Variants in ITFG1 observed in about 807,000 individuals in gnomAD.
ITFG1 encodes T-cell immunomodulatory protein.
Under a neutral mutation model 81.8 loss-of-function variants are expected in ITFG1, and 34 were observed. The ratio of observed to expected loss-of-function variants is 0.42; its 90% CI spans 0.32 to 0.55. ITFG1 has a LOEUF of 0.55. Among genes scored for constraint, ITFG1 ranks in the 20% least tolerant of loss-of-function variants. ITFG1 has a pLI of 0.17. For missense variants in ITFG1, 672 were observed against 755.4 expected, an observed-to-expected ratio of 0.89 and a Z score of 1.29; for synonymous variants, 285 against 270.6, an observed-to-expected ratio of 1.05 and a Z score of -0.52.
intron 8 of ITFG1, among the ~76,000 whole-genome samples, chr16:47,327,018 T>C (rs184291807): frequency 1.3e-5 from 2 of 152,196 alleles, no homozygotes; most frequent in Admixed American, 1.3e-4. Context: ...CATCGCCAAG[T>C]CAATCCTAAG....
At chr16:47,458,009 G>A (rs976728329) in intron 2 of ITFG1, among the ~76,000 whole-genome samples, 1 of 152,192 alleles carries the variant, frequency 6.6e-6, no homozygotes, top group Non-Finnish European at 1.5e-5. Context: ...TGTAGAGTCT[G>A]AGAACTAATC....
intron 6 of ITFG1, among the ~76,000 whole-genome samples, chr16:47,389,259 A>G (rs1968501388): frequency 6.6e-6 from 1 of 152,216 alleles, no homozygotes. Context: ...TGCAATTAGT[A>G]AAGGAATTAT....
At chr16:47,437,293 C>T (rs1386640159) in intron 5 of ITFG1, among the ~76,000 whole-genome samples, 2 of 151,846 alleles carry the variant, frequency 1.3e-5, no homozygotes, top group East Asian at 1.9e-4. Context: ...TAGTGAGATC[C>T]TATCTCCAAC....
intron 6 of ITFG1, among the ~76,000 whole-genome samples, chr16:47,383,521 T>C (rs549613362): frequency 3.3e-5 from 5 of 152,338 alleles, no homozygotes; most frequent in Middle Eastern, 3.4e-3. Context: ...AGTTGCTCAA[T>C]AGCTGCCTAC....
chr16:47,186,827 G>A (rs1965224476), intron 14 of ITFG1, among the ~76,000 whole-genome samples: 1 of 152,196 alleles, frequency 6.6e-6, no homozygotes. Flanking sequence ...AATTGTCCCT[G>A]TTTGCAGACG....
At chr16:47,408,269 T>C (rs1441287712) in intron 6 of ITFG1, among the ~76,000 whole-genome samples, 1 of 152,164 alleles carries the variant, frequency 6.6e-6, no homozygotes, top group African/African-American at 2.4e-5. Flanking sequence ...GTATGTGTGA[T>C]ATTAAAGAAA....
intron 5 of ITFG1, among the ~76,000 whole-genome samples, chr16:47,433,982 T>A (rs1259976214): frequency 6.8e-6 from 1 of 147,758 alleles, no homozygotes; most frequent in Non-Finnish European, 1.5e-5. Context: ...CCGTTGAAGT[T>A]GCTCTTTGGA....
intron 5 of ITFG1, among the ~76,000 whole-genome samples, chr16:47,433,305 A>G (rs1481653176): frequency 2.0e-5 from 3 of 152,234 alleles, no homozygotes; most frequent in African/African-American, 7.2e-5. Flanking sequence ...ATTCATTGCT[A>G]TAACTTAAAA....
At position 47,420,990 on chromosome 16, in the gene ITFG1, CCTT is replaced by C. The variant is rs550189049; in HGVS notation, c.655+7811_655+7813del. On this transcript the variant is annotated intron_variant, in intron 6 of 17. Coordinates refer to ENST00000320640, the MANE Select transcript of ITFG1 (RefSeq NM_030790.5). ...TTACATTATCTTGCTGAATTGTTCTCCTTATTATTATATAAAGACCTTATATGT... is the reference window on the plus strand; with the variant it reads ...TTACATTATCTTGCTGAATTGTTCTCATTATTATATAAAGACCTTATATGT... 2.4e-4 allele frequency among the ~76,000 whole-genome samples: 37 copies of C among 152,178 alleles called. No homozygotes were observed. In the East Asian group the frequency reaches 5.8e-3, roughly 24 times the overall value.
At chr16:47,215,265 A>G (rs904782513) in intron 14 of ITFG1, among the ~76,000 whole-genome samples, 1 of 152,138 alleles carries the variant, frequency 6.6e-6, no homozygotes, top group Admixed American at 6.5e-5. Context: ...GTTTCTTTGG[A>G]GTTCAACATG....
intron 8 of ITFG1, among the ~76,000 whole-genome samples, chr16:47,345,312 T>G (rs1967837827): frequency 6.6e-6 from 1 of 151,636 alleles, no homozygotes; most frequent in Non-Finnish European, 1.5e-5. Context: ...TGTTTGTTTG[T>G]TTTTTTTAGA....
intron 13 of ITFG1, among the ~76,000 whole-genome samples, chr16:47,226,071 T>C (rs1020761166): frequency 6.6e-6 from 1 of 152,196 alleles, no homozygotes; most frequent in East Asian, 1.9e-4. Flanking sequence ...TAGTACAAAT[T>C]GAGGAGGAGT....
intron 6 of ITFG1, among the ~76,000 whole-genome samples, chr16:47,402,577 A>G (rs1968675174): frequency 6.6e-6 from 1 of 152,176 alleles, no homozygotes; most frequent in Non-Finnish European, 1.5e-5. Flanking sequence ...ATGGGGGTTC[A>G]TGTTCACTTA....
At chr16:47,316,608 A>G (rs567223563) in intron 8 of ITFG1, among the ~76,000 whole-genome samples, 1 of 152,240 alleles carries the variant, frequency 6.6e-6, no homozygotes, top group Non-Finnish European at 1.5e-5. Context: ...CCTGCAGCAC[A>G]GGATACAGTG....
At chr16:47,260,980 T>C (rs1966203647) in intron 10 of ITFG1, among the ~76,000 whole-genome samples, 1 of 152,218 alleles carries the variant, frequency 6.6e-6, no homozygotes, top group South Asian at 2.1e-4. Context: ...TACTACTCTA[T>C]AGTTATTGAC....
At chr16:47,409,230 A>T (rs1035387082) in intron 6 of ITFG1, among the ~76,000 whole-genome samples, 2 of 150,332 alleles carry the variant, frequency 1.3e-5, no homozygotes, top group Non-Finnish European at 3.0e-5. Context: ...TGGAAAAATT[A>T]GATCTGTGCT....
intron 14 of ITFG1, among the ~76,000 whole-genome samples, chr16:47,209,829 T>A (rs1965544268): frequency 6.6e-6 from 1 of 152,220 alleles, no homozygotes; most frequent in Non-Finnish European, 1.5e-5. Flanking sequence ...TGGGATAGGC[T>A]TTTTCTCAAT....
chr16:47,410,241 T>G (rs925055746), intron 6 of ITFG1, among the ~76,000 whole-genome samples: 6 of 152,160 alleles, frequency 3.9e-5, no homozygotes, highest in African/African-American at 1.4e-4. Flanking sequence ...ATGGTGCCCC[T>G]GCATTCCAGC....
At chr16:47,336,239 A>C (rs1438985110) in intron 8 of ITFG1, among the ~76,000 whole-genome samples, 2 of 152,228 alleles carry the variant, frequency 1.3e-5, no homozygotes, top group East Asian at 3.8e-4. Context: ...AGCTGAAACT[A>C]TCAGAAATAA....
Sources: allele counts gnomAD v4.1 joint callset (sites outside exome capture counted in the v4.1 genomes callset), GRCh38; gene constraint gnomAD v4.1.1; transcripts MANE v1.5; gene names NCBI Gene and HGNC (gene_info 2026-07-23, HGNC 2026-07-21).